The following PDE1C variants were observed in gnomAD, a reference collection of about 807,000 sequenced individuals.
PDE1C encodes dual specificity calcium/calmodulin-dependent 3',5'-cyclic nucleotide phosphodiesterase 1C.
PDE1C carries 62 observed loss-of-function variants against 93.1 expected under a neutral mutation model. The observed-to-expected ratio is 0.67, with a 90% CI of 0.54 to 0.82. The LOEUF (loss-of-function observed/expected upper bound fraction) is 0.82. PDE1C is among the 40% of genes least tolerant of loss of function. The pLI, the probability that PDE1C is intolerant of heterozygous loss-of-function variation, is 0.00. For synonymous variants in PDE1C, 325 were observed against 310.1 expected, an observed-to-expected ratio of 1.05 and a Z score of -0.50; for missense variants, 742 against 884.6, an observed-to-expected ratio of 0.84 and a Z score of 2.04.
intron 16 of PDE1C, among the ~76,000 whole-genome samples, chr7:31,796,990 G>A (rs144737280): frequency 1.1e-3 from 161 of 151,802 alleles, no homozygotes; most frequent in South Asian, 8.7e-3. Flanking sequence ...CTTGGGCAGG[G>A]ACATTGGAGT....
chr7:32,338,555 A>G (rs1314128583), intron 1 of PDE1C, among the ~76,000 whole-genome samples: 1 of 152,200 alleles, frequency 6.6e-6, no homozygotes, highest in African/African-American at 2.4e-5. Flanking sequence ...AAAATGGTAC[A>G]ACTGCTATAC....
In PDE1C at chr7:31,990,380, G is replaced by A. The variant is rs565052018; in HGVS notation, c.128+61174C>T. 2.2e-4 allele frequency among the ~76,000 whole-genome samples: 34 copies of A among 152,114 alleles called. No homozygotes were observed. In the South Asian group the frequency reaches 4.2e-3, roughly 19 times the overall value. Reference sequence around the variant, plus strand: ...TGACTTCGCTCTTCATTCGCCTTCCGCCATGATTGTTAGGCCTCCCCAGCC... The same window carrying A: ...TGACTTCGCTCTTCATTCGCCTTCCACCATGATTGTTAGGCCTCCCCAGCC... On this transcript the variant is annotated intron_variant, in intron 2 of 17. Coordinates refer to ENST00000396191, the MANE Select transcript of PDE1C (RefSeq NM_001191057.4).
chr7:32,083,475 C>T lies in PDE1C; in HGVS notation c.308+86310G>A, dbSNP rs949820536. ...TCCCCAGTCTAGCAAGGCAGGCCAA[C>T]ACTCAGATTCAGGAAATACAGAGAA... is the stretch of plus-strand genomic sequence containing the variant. On this transcript the variant is annotated intron_variant, in intron 3 of 18. Coordinates refer to the PDE1C transcript ENST00000396193. Among the ~76,000 whole-genome samples the T allele has an allele frequency of 2.6e-5, 4 of 152,284 alleles. No individual in the cohort carries two copies. In the East Asian group the frequency reaches 7.7e-4, roughly 29 times the overall value.
At chr7:32,335,069 C>T (rs215646) in intron 1 of PDE1C, among the ~76,000 whole-genome samples, 151,466 of 152,378 alleles carry the variant, frequency 0.99, 75,287 homozygotes, top group Middle Eastern at 1. Flanking sequence ...GAAATATTTA[C>T]GAACATCATG....
intron 16 of PDE1C, chr7:31,786,558 C>T (rs1407554397): frequency 2.0e-5 from 3 of 152,082 alleles, no homozygotes; most frequent in South Asian, 2.1e-4. Context: ...TTCAGTTAGA[C>T]GATTTTGAAT....
chr7:31,664,101 T>C, the PDE1C span, among the ~76,000 whole-genome samples: 1 of 152,194 alleles, frequency 6.6e-6, no homozygotes, highest in South Asian at 2.1e-4. Context: ...GATCCCAGGT[T>C]TGTCTAACTC....
At chr7:32,331,894 G>A (rs1233302683) in intron 1 of PDE1C, among the ~76,000 whole-genome samples, 3 of 152,164 alleles carry the variant, frequency 2.0e-5, no homozygotes, top group Non-Finnish European at 4.4e-5. Flanking sequence ...CCTATCCCTT[G>A]ATATGGCTCA....
chr7:32,182,258 C>A (rs1584917731), intron 2 of PDE1C, among the ~76,000 whole-genome samples: 1 of 152,182 alleles, frequency 6.6e-6, no homozygotes, highest in African/African-American at 2.4e-5. Flanking sequence ...TGAAACTATT[C>A]CAATCAATAG....
At chr7:31,800,289 T>C (rs767121030) in intron 16 of PDE1C, among the ~76,000 whole-genome samples, 2 of 151,584 alleles carry the variant, frequency 1.3e-5, no homozygotes, top group Non-Finnish European at 3.0e-5. Flanking sequence ...TTTGTACTTT[T>C]GTGGTCATGC....
At chr7:31,798,085 ACCTT>A (rs891719862) in intron 16 of PDE1C, among the ~76,000 whole-genome samples, 1 of 151,748 alleles carries the variant, frequency 6.6e-6, no homozygotes, top group African/African-American at 2.4e-5. Context: ...TCACCAAGCA[ACCTT>A]CTGATACAAT....
At chr7:31,754,524 T>C (rs1794329244) in intron 17 of PDE1C, among the ~76,000 whole-genome samples, 2 of 152,254 alleles carry the variant, frequency 1.3e-5, no homozygotes, top group African/African-American at 4.8e-5. Flanking sequence ...CAAATTGTGA[T>C]ACATTTATAC....
intron 1 of PDE1C, among the ~76,000 whole-genome samples, chr7:32,219,229 G>A (rs976290663): frequency 1.3e-5 from 2 of 152,190 alleles, no homozygotes; most frequent in South Asian, 2.1e-4. Context: ...CCTGGAAGAC[G>A]AGGACAGGTG....
chr7:31,968,522 T>C (rs566871895), intron 2 of PDE1C, among the ~76,000 whole-genome samples: 5 of 152,110 alleles, frequency 3.3e-5, no homozygotes, highest in Middle Eastern at 3.4e-3. Flanking sequence ...ATCATGAAAA[T>C]GGCCATACTG....
At chr7:31,663,793 A>G in the PDE1C span, among the ~76,000 whole-genome samples, 1 of 152,178 alleles carries the variant, frequency 6.6e-6, no homozygotes, top group Non-Finnish European at 1.5e-5. Flanking sequence ...TACTGTGCTA[A>G]GTTCTTTATA....
the PDE1C span, among the ~76,000 whole-genome samples, chr7:31,687,768 T>C: frequency 6.6e-6 from 1 of 152,178 alleles, no homozygotes; most frequent in East Asian, 1.9e-4. Flanking sequence ...TAAAAAGAGG[T>C]TTGACAATGA....
At chr7:31,972,703 C>T (rs887930206) in intron 2 of PDE1C, among the ~76,000 whole-genome samples, 1 of 152,066 alleles carries the variant, frequency 6.6e-6, no homozygotes, top group South Asian at 2.1e-4. Flanking sequence ...TGGCTGGGGA[C>T]CTCAAAAGTC....
chr7:31,957,335 G>A (rs1278177812), intron 2 of PDE1C, among the ~76,000 whole-genome samples: 2 of 151,836 alleles, frequency 1.3e-5, no homozygotes, highest in Non-Finnish European at 2.9e-5. Context: ...AAACCCTTTC[G>A]CTGTAACCCT....
intron 1 of PDE1C, among the ~76,000 whole-genome samples, chr7:32,281,419 T>C (rs905765125): frequency 6.6e-6 from 1 of 152,178 alleles, no homozygotes; most frequent in African/African-American, 2.4e-5. Flanking sequence ...AAAAATTTCA[T>C]ATAAATTAAA....
chr7:32,088,568 A>G (rs1797269305), intron 3 of PDE1C, among the ~76,000 whole-genome samples: 1 of 152,248 alleles, frequency 6.6e-6, no homozygotes, highest in South Asian at 2.1e-4. Context: ...ACGGTGCCAA[A>G]TCAATATCCC....
Sources: gnomAD v4.1 joint callset for allele counts (sites outside exome capture counted in the v4.1 genomes callset) on GRCh38, gnomAD v4.1.1 for gene constraint, MANE v1.5 for transcripts, NCBI Gene and HGNC (gene_info 2026-07-23, HGNC 2026-07-21) for gene names.